Variants in GBP1 observed in about 807,000 individuals in gnomAD.
GBP1 encodes guanylate binding protein 1.
Under a neutral mutation model 69.5 loss-of-function variants are expected in GBP1, and 64 were observed. The ratio of observed to expected loss-of-function variants is 0.92; its 90% CI spans 0.75 to 1.13. The LOEUF is 1.13. Ranked by LOEUF, GBP1 falls within the 50% of genes most tolerant of loss-of-function variation. GBP1 has a pLI of 0.00. For missense variants in GBP1, 630 were observed against 704.1 expected, an observed-to-expected ratio of 0.89 and a Z score of 1.19; for synonymous variants, 250 against 261.2, an observed-to-expected ratio of 0.96 and a Z score of 0.41.
At position 89,053,377 on chromosome 1, in the gene GBP1, C is replaced by T. The variant is rs150379396; in HGVS notation, c.1757G>A (p.Arg586Gln). Reference sequence around the variant, plus strand: ...TCTTTAGCTTATGGTACATGCCTTTCGTCGTCTCATTTTCGTCTGGAGATC... The same window carrying T: ...TCTTTAGCTTATGGTACATGCCTTTTGTCGTCTCATTTTCGTCTGGAGATC... ...IQDLQTKMRR[R>Q]KACTIS Residue 586 changes from arginine to glutamine, a missense_variant, in exon 11 of 11, where the codon CGA becomes CAA. Arg to Gln is a conservative substitution (Grantham distance 43). Coordinates refer to ENST00000370473, the MANE Select transcript of GBP1 (RefSeq NM_002053.3). 1.4e-4 allele frequency: 227 copies of T among 1,613,266 alleles called. No individual in the cohort carries two copies. The highest frequency in any genetic ancestry group is 1.8e-4 in the Middle Eastern group (1 of 5,710).
rs1570938241 is a variant in GBP1 at position 89,058,292 on chromosome 1, C to T, written c.632-58G>A. 11 of 1,408,082 alleles carry T rather than the reference C, an allele frequency of 7.8e-6. No homozygotes were observed. The East Asian group carries it at 2.5e-4, about 32-fold the overall frequency. 87.2% of individuals were successfully genotyped at this position (1,408,082 alleles called of 1,614,324 possible). A position where few individuals can be genotyped will look rare whatever the true frequency, so the allele number is the denominator to read the frequency against. On this transcript the variant is annotated intron_variant, in intron 5 of 10. Coordinates refer to ENST00000370473, the MANE Select transcript of GBP1 (RefSeq NM_002053.3). The stretch of plus-strand genomic sequence containing the variant: ...CTAATATAAGTGTTTCTGTAAAGGG[C>T]CAAATAGTAAATATTTTAGGCTCTT...
intron 3 of GBP1, 137 bp from the exon 4 acceptor site, chr1:89,059,563 T>C: frequency 4.8e-6 from 4 of 826,506 alleles, no homozygotes; most frequent in Non-Finnish European, 7.2e-6. Flanking sequence ...TTAACACTAA[T>C]GACCTATTAA....
At chr1:89,058,486 A>G in intron 5 of GBP1, 1 of 521,068 alleles carries the variant, frequency 1.9e-6, no homozygotes, top group South Asian at 2.6e-5. Flanking sequence ...GTAGTTTGCC[A>G]ATGCTTGGAC....
At chr1:89,061,655 G>C (rs1201163766) in intron 2 of GBP1, among the ~76,000 whole-genome samples, 3 of 152,064 alleles carry the variant, frequency 2.0e-5, no homozygotes, top group Admixed American at 6.6e-5. Flanking sequence ...AAATAGATTA[G>C]TGGGACTTCA....
chr1:89,057,841 T>G, intron 6 of GBP1, 151 bp downstream of exon 6: 1 of 934,186 alleles, frequency 1.1e-6, no homozygotes, highest in East Asian at 2.6e-5. Flanking sequence ...GAAATGTGAC[T>G]AACAATATAT....
At position 89,054,631 on chromosome 1, in the gene GBP1, A is replaced by C. The variant is rs1679996906; in HGVS notation, c.1665+51T>G. 3.3e-6 allele frequency: 5 copies of C among 1,506,028 alleles called. No homozygotes were observed. The African/African-American group carries it at 5.7e-5, about 17-fold the overall frequency. The allele number at this position is 1,506,028 out of a possible 1,614,324, so 93.3% of individuals were successfully genotyped here. A position where few individuals can be genotyped will look rare whatever the true frequency, so the allele number is the denominator to read the frequency against. On this transcript the variant is annotated intron_variant, in intron 10 of 10. Transcript: ENST00000370473. Reference sequence around the variant, plus strand: ...CCACACTAAGTTTGCGATCAGGGAGAATGGAGAGAAAACAGAAAAACAGAA... The same window carrying C: ...CCACACTAAGTTTGCGATCAGGGAGCATGGAGAGAAAACAGAAAAACAGAA...
At chr1:89,061,354 A>G (rs568314585) in intron 2 of GBP1, among the ~76,000 whole-genome samples, 2 of 152,328 alleles carry the variant, frequency 1.3e-5, no homozygotes, top group Admixed American at 1.3e-4. Flanking sequence ...CAGCCCATGA[A>G]TAAACTCTGA....
rs763403450 is a variant in GBP1, at chr1:89,054,869, C to T, written c.1478G>A (p.Arg493His). 51 of 1,613,104 alleles carry T rather than the reference C, an allele frequency of 3.2e-5. No homozygotes were observed. Among genetic ancestry groups the T allele is most frequent in the Non-Finnish European group, 3.9e-5 (46 of 1,179,610 alleles). ...AGCCTGTGCAGACTCAGCTTTCACA[C>T]GTTCCACTGAGGAGGAAAAGGCAGA... The part of the protein sequence containing the change: ...TEKEKEIEVE[R>H]VKAESAQASA... The change falls in exon 10 of 11, where the codon CGT becomes CAT. Residue 493 changes from arginine (R) to histidine (H), a missense_variant. Physicochemically the swap from Arg to His is conservative, Grantham distance 29. Transcript: ENST00000370473.
At chr1:89,057,878 T>C in intron 6 of GBP1, 114 bp downstream of exon 6, 3 of 1,181,800 alleles carry the variant, frequency 2.5e-6, no homozygotes, top group Non-Finnish European at 3.6e-6. Flanking sequence ...CCATCTAGAA[T>C]TTAACACAAA....
Position 89,063,071 on chromosome 1 carries a change from A to T in GBP1, c.164T>A (p.Met55Lys). 5.6e-6 allele frequency: 9 copies of T among 1,614,076 alleles called. No homozygotes were observed. Among genetic ancestry groups the T allele is most frequent in the Non-Finnish European group, 7.6e-6 (9 of 1,179,956 alleles). ...CTTTTTCTTTCCAGCCAGCTTGTTC[A>T]TCAGGTAGGATTTGCCTGTGCGGTA... ...GLYRTGKSYL[M>K]NKLAGKKKGF... The change falls in exon 2 of 11, where the codon ATG (methionine) becomes AAG (lysine). Residue 55 changes from methionine to lysine, a missense_variant. Physicochemically the swap from Met to Lys is moderately conservative, Grantham distance 95. Transcript: ENST00000370473.
At chr1:89,058,531 A>C in intron 5 of GBP1, 1 of 517,148 alleles carries the variant, frequency 1.9e-6, no homozygotes, top group Non-Finnish European at 3.4e-6. Flanking sequence ...TATGTTCTTT[A>C]AATAAATATC....
In GBP1 at chr1:89,054,724, C is replaced by A. The variant is rs1680001810; in HGVS notation, c.1623G>T (p.Gln541His). ...GGGTCCTCTCTTGCTCTTTCAGCAA[C>A]TGGACCCTGTCGTTCTCCATCTTCT... ...LTEKMENDRV[Q>H]LLKEQERTLA... Residue 541 changes from glutamine to histidine, a missense_variant, in exon 10 of 11, where the codon CAG becomes CAT. Physicochemically the swap from Gln to His is conservative, Grantham distance 24. Around this residue, in one of 5 missense-constraint regions of GBP1, gnomAD observed 71 missense variants for 72.7 expected, o/e 0.98. Transcript: ENST00000370473. 6.2e-7 allele frequency: 1 copy of A among 1,614,234 alleles called. No homozygotes were observed. Among genetic ancestry groups the A allele is most frequent in the Non-Finnish European group, 8.5e-7 (1 of 1,180,026 alleles).
chr1:89,053,622 A>G (rs1679972715), intron 10 of GBP1, among the ~76,000 whole-genome samples, 154 bp from the exon 11 acceptor site: 1 of 152,238 alleles, frequency 6.6e-6, no homozygotes, highest in Non-Finnish European at 1.5e-5. Flanking sequence ...ACCAAAGCAC[A>G]GCCATGTTCC....
intron 2 of GBP1, among the ~76,000 whole-genome samples, chr1:89,061,437 A>G (rs1003681792): frequency 1.1e-4 from 16 of 152,196 alleles, no homozygotes; most frequent in African/African-American, 3.6e-4. Flanking sequence ...TCTTTAACAA[A>G]TGATGTTGAG....
chr1:89,056,202 G>T lies in GBP1; in HGVS notation c.1182C>A (p.Asp394Glu). The change falls in exon 8 of 11, where the codon GAC (aspartate) becomes GAA (glutamate). Residue 394 changes from aspartate to glutamate, a missense_variant. This residue lies in a region of GBP1 where 367 missense variants were observed against 369.5 expected (regional missense o/e 0.99). Coordinates refer to ENST00000370473, the MANE Select transcript of GBP1 (RefSeq NM_002053.3). The part of the protein sequence containing the change: ...LAAQLEKKRD[D>E]FCKQNQEASS... Reference sequence around the variant, plus strand: ...ATGCTTCCTGATTCTGTTTACAAAAGTCATCCCGCTTTTTTTCTAGCTGGG... The same window carrying T: ...ATGCTTCCTGATTCTGTTTACAAAATTCATCCCGCTTTTTTTCTAGCTGGG... 1 of 1,613,964 alleles carries T rather than the reference G, an allele frequency of 6.2e-7. No individual in the cohort carries two copies. The highest frequency in any genetic ancestry group is 2.2e-5 in the East Asian group (1 of 44,886).
chr1:89,059,526 T>C (rs1680131072), intron 3 of GBP1, 100 bp from the exon 4 acceptor site: 2 of 1,251,650 alleles, frequency 1.6e-6, no homozygotes, highest in Non-Finnish European at 2.2e-6. Flanking sequence ...AGAGGGTTTT[T>C]TTTTCTTTTC....
At chr1:89,057,611 A>G (rs554077167) in intron 6 of GBP1, among the ~76,000 whole-genome samples, 2 of 152,252 alleles carry the variant, frequency 1.3e-5, no homozygotes, top group Non-Finnish European at 2.9e-5. Context: ...AATGTTGTAT[A>G]TGTGCTTTTC....
In GBP1 at chr1:89,053,378, G is replaced by A. The variant is rs768207214; in HGVS notation, c.1756C>T (p.Arg586Ter). Residue 586 changes from arginine (R) to a stop codon, truncating the protein, a stop_gained, in exon 11 of 11, where the codon CGA becomes TGA. Coordinates refer to ENST00000370473, the MANE Select transcript of GBP1 (RefSeq NM_002053.3). LOFTEE classifies it high-confidence loss of function. Reference protein sequence around the residue: ...IQDLQTKMRRRKACTIS With the variant: ...IQDLQTKMRR Reference sequence around the variant, plus strand: ...CTTTAGCTTATGGTACATGCCTTTCGTCGTCTCATTTTCGTCTGGAGATCC... The same window carrying A: ...CTTTAGCTTATGGTACATGCCTTTCATCGTCTCATTTTCGTCTGGAGATCC... The A allele has an allele frequency of 1.6e-5, 26 of 1,613,174 alleles. No homozygotes were observed. The highest frequency in any genetic ancestry group is 4.5e-5 in the East Asian group (2 of 44,862).
chr1:89,061,304 G>A (rs933121536), intron 2 of GBP1, among the ~76,000 whole-genome samples: 18 of 152,028 alleles, frequency 1.2e-4, no homozygotes, highest in African/African-American at 4.3e-4. Flanking sequence ...GTGTGGTACT[G>A]GTATAAAGAC....
Sources: gnomAD v4.1 joint callset for allele counts (sites outside exome capture counted in the v4.1 genomes callset) on GRCh38, gnomAD v4.1.1 for gene constraint, gnomAD v4.1.1 regional missense constraint, MANE v1.5 for transcripts, NCBI Gene and HGNC (gene_info 2026-07-23, HGNC 2026-07-21) for gene names.